DTNA: variants seen among roughly 807,000 people sequenced by gnomAD.
The protein encoded by DTNA is dystrobrevin alpha.
In DTNA, 43 loss-of-function variants were observed where a neutral mutation model predicts 100.7. The ratio of observed to expected loss-of-function variants is 0.43; its 90% confidence interval spans 0.33 to 0.55. DTNA has a LOEUF of 0.55. DTNA is among the 20% of genes least tolerant of loss of function. The pLI, the probability that DTNA is intolerant of heterozygous loss-of-function variation, is 0.04. For synonymous variants in DTNA, 349 were observed against 347.9 expected (o/e 1.00, Z -0.04); for missense variants, 798 against 953.9 (o/e 0.84, Z 2.15).
rs188656661 is a variant in DTNA, at chr18:34,524,011, G to A, written c.-2+30497G>A. Among the ~76,000 whole-genome samples, 7 of 152,316 alleles carry A rather than the reference G, an allele frequency of 4.6e-5. No homozygotes were observed. In the East Asian group the frequency reaches 1.4e-3, roughly 29 times the overall value. ...ACGGTAAAGTCCTCTAGGGATTTGA[G>A]TAGGTCACTGTGTTGCCTAGTGTGT... On this transcript the variant is annotated intron_variant, in intron 1 of 19. Coordinates refer to the DTNA transcript ENST00000283365.
chr18:34,498,622 G>A (rs1172514846), intron 1 of DTNA, among the ~76,000 whole-genome samples: 1 of 151,940 alleles, frequency 6.6e-6, no homozygotes, highest in African/African-American at 2.4e-5. Context: ...GAATGCATGT[G>A]GTAGCCTATT....
intron 1 of DTNA, among the ~76,000 whole-genome samples, chr18:34,606,859 G>A (rs577949634): frequency 2.2e-4 from 33 of 152,222 alleles, no homozygotes; most frequent in Middle Eastern, 6.8e-3. Flanking sequence ...AATGAAAGGC[G>A]ATGAATTTGG....
At chr18:34,804,406 G>C (rs1164295164) in intron 4 of DTNA, among the ~76,000 whole-genome samples, 4 of 152,182 alleles carry the variant, frequency 2.6e-5, no homozygotes, top group Admixed American at 2.0e-4. Flanking sequence ...CAAGCAGAGA[G>C]ATCATTTCAG....
chr18:34,535,091 T>C (rs2043554212), intron 1 of DTNA, among the ~76,000 whole-genome samples: 3 of 152,188 alleles, frequency 2.0e-5, no homozygotes, highest in Admixed American at 6.5e-5. Flanking sequence ...ATGGTTGAAC[T>C]AATTTACACT....
At chr18:34,800,705 A>G (rs1376184399) in intron 4 of DTNA, among the ~76,000 whole-genome samples, 1 of 152,248 alleles carries the variant, frequency 6.6e-6, no homozygotes, top group African/African-American at 2.4e-5. Context: ...TTTAAGAAAG[A>G]ATCAGTCAGA....
chr18:34,833,916 G>A (rs759956707), intron 11 of DTNA, among the ~76,000 whole-genome samples: 47 of 152,084 alleles, frequency 3.1e-4, no homozygotes, highest in Non-Finnish European at 5.0e-4. Context: ...TGGGTTGTAT[G>A]AAAGCCATTG....
At chr18:34,751,052 G>A (rs773512676) in intron 1 of DTNA, among the ~76,000 whole-genome samples, 1 of 152,166 alleles carries the variant, frequency 6.6e-6, no homozygotes, top group Non-Finnish European at 1.5e-5. Context: ...CCTGTCCAGC[G>A]GTGCAACCCT....
At chr18:34,693,674 C>T (rs539419561) in intron 1 of DTNA, among the ~76,000 whole-genome samples, 13 of 151,972 alleles carry the variant, frequency 8.6e-5, no homozygotes, top group East Asian at 1.9e-4. Flanking sequence ...AACTTTCCTA[C>T]GAGCTGGTCA....
At chr18:34,769,790 C>T (rs1376860908) in intron 3 of DTNA, among the ~76,000 whole-genome samples, 1 of 131,034 alleles carries the variant, frequency 7.6e-6, no homozygotes, top group Non-Finnish European at 1.6e-5. Flanking sequence ...GGTGCAATCT[C>T]GGCTCACTGC....
upstream of DTNA, among the ~76,000 whole-genome samples, chr18:34,706,975 C>A (rs1373118563): frequency 6.6e-6 from 1 of 152,078 alleles, no homozygotes; most frequent in Non-Finnish European, 1.5e-5. Context: ...AGTGCCCTAA[C>A]AATAAAGCAC....
intron 1 of DTNA, among the ~76,000 whole-genome samples, chr18:34,663,164 A>AT (rs1467398372): frequency 6.6e-6 from 1 of 151,770 alleles, no homozygotes; most frequent in African/African-American, 2.4e-5. Flanking sequence ...TTTACTTTTT[A>AT]TTTTTTTGAG....
At chr18:34,771,957 C>CTT (rs10655400) in intron 3 of DTNA, among the ~76,000 whole-genome samples, 110 of 149,206 alleles carry the variant, frequency 7.4e-4, no homozygotes, top group Middle Eastern at 3.5e-3. Context: ...GTCAGCAGAT[C>CTT]TTTTTTTTTT....
intron 2 of DTNA, among the ~76,000 whole-genome samples, chr18:34,763,820 A>G (rs1335816368): frequency 6.6e-6 from 1 of 152,216 alleles, no homozygotes; most frequent in Non-Finnish European, 1.5e-5. Flanking sequence ...TTGAAGCCCT[A>G]CTGGGTACCA....
At position 34,794,089 on chromosome 18, in the gene DTNA, G is replaced by A. The variant is rs2094867064; in HGVS notation, c.201G>A (p.Leu67=). The A allele has an allele frequency of 6.2e-6, 10 of 1,613,964 alleles. No homozygotes were observed. Among genetic ancestry groups the A allele is most frequent in the Non-Finnish European group, 8.5e-6 (10 of 1,180,012 alleles). The change falls in exon 4 of 23, where the codon CTG becomes CTA. Residue 67 remains leucine, a synonymous_variant. Transcript: ENST00000444659. ...NVIEALRENA[L]NNLDPNTELN... ...TAGAAGCATTGCGGGAAAATGCTCT[G>A]AACAACCTGGACCCAAACACTGAAC...
intron 3 of DTNA, among the ~76,000 whole-genome samples, chr18:34,785,072 G>A (rs976364991): frequency 2.0e-5 from 3 of 151,128 alleles, no homozygotes; most frequent in African/African-American, 4.9e-5. Context: ...CCACCACCAC[G>A]CCCAGCTAAT....
chr18:34,888,910 G>T lies in DTNA; in HGVS notation c.*1176G>T. The T allele has an allele frequency of 2.0e-6, 2 of 985,858 alleles. No homozygotes were observed. The highest frequency in any genetic ancestry group is 2.4e-6 in the Non-Finnish European group (2 of 829,938). 61.1% of individuals were successfully genotyped at this position (985,858 alleles called of 1,614,324 possible). A position where few individuals can be genotyped will look rare whatever the true frequency, so the allele number is the denominator to read the frequency against. On this transcript the variant is annotated 3_prime_UTR_variant, in exon 23 of 23. Transcript: ENST00000444659. ...TAGCTGGCCACCTGGTGTTCTGCATGTAGCCTTCTGTGGTCATGTGAAAGG... is the reference window on the plus strand; with the variant it reads ...TAGCTGGCCACCTGGTGTTCTGCATTTAGCCTTCTGTGGTCATGTGAAAGG...
chr18:34,794,014 T>C (rs1361849246), intron 3 of DTNA, 23 bp from the exon 4 acceptor site: 1 of 1,610,894 alleles, frequency 6.2e-7, no homozygotes, highest in Middle Eastern at 1.7e-4. Context: ...TGGGCTGATG[T>C]GTTAACTCTG....
chr18:34,587,520 A>G (rs2049264601), intron 1 of DTNA, among the ~76,000 whole-genome samples: 1 of 152,058 alleles, frequency 6.6e-6, no homozygotes, highest in African/African-American at 2.4e-5. Context: ...ACAAATTTAT[A>G]TAAAATATAT....
chr18:34,743,484 G>A (rs2091066481), intron 1 of DTNA, among the ~76,000 whole-genome samples: 1 of 152,028 alleles, frequency 6.6e-6, no homozygotes, highest in South Asian at 2.1e-4. Flanking sequence ...AATTTAAGTG[G>A]AGGAAGGAAA....
Sources: gnomAD v4.1 joint callset for allele counts (sites outside exome capture counted in the v4.1 genomes callset) on GRCh38, gnomAD v4.1.1 for gene constraint, MANE v1.5 for transcripts, NCBI Gene and HGNC (gene_info 2026-07-23, HGNC 2026-07-21) for gene names.